The following CCL28 variants were observed in gnomAD, a reference collection of about 807,000 sequenced individuals.
CCL28 encodes C-C motif chemokine 28.
Under a neutral mutation model 7.1 loss-of-function variants are expected in CCL28, and 4 were observed. That is an observed-to-expected ratio of 0.56 (90% CI 0.28 to 1.29). CCL28 has a LOEUF of 1.29. Ranked by LOEUF, CCL28 falls within the 50% of genes most tolerant of loss-of-function variation. The pLI, the probability that CCL28 is intolerant of heterozygous loss-of-function variation, is 0.11. For synonymous variants in CCL28, 55 were observed against 57.8 expected (o/e 0.95, Z 0.22); for missense variants, 151 against 163.4 (o/e 0.92, Z 0.41).
intron 1 of CCL28, among the ~76,000 whole-genome samples, chr5:43,409,259 C>G (rs1195870490): frequency 1.3e-5 from 2 of 152,132 alleles, no homozygotes; most frequent in South Asian, 2.1e-4. Context: ...AACCCCGTCT[C>G]TACTAAAAAT....
chr5:43,363,003 TGC>T, the CCL28 span, among the ~76,000 whole-genome samples: 4 of 152,220 alleles, frequency 2.6e-5, no homozygotes, highest in African/African-American at 7.2e-5. Context: ...TTACTTGGGG[TGC>T]ACATACACTA....
intron 1 of CCL28, among the ~76,000 whole-genome samples, chr5:43,408,528 T>C (rs1261425737): frequency 3.3e-5 from 5 of 152,150 alleles, no homozygotes; most frequent in Non-Finnish European, 7.3e-5. Context: ...TTAGGAGATA[T>C]ACTTATTGTA....
intron 1 of CCL28, among the ~76,000 whole-genome samples, chr5:43,398,585 T>G (rs1251905777): frequency 6.6e-6 from 1 of 152,224 alleles, no homozygotes; most frequent in Admixed American, 6.5e-5. Flanking sequence ...GCACAGTGGC[T>G]CATGCCTGTA....
At chr5:43,404,981 C>G (rs957093292) in intron 1 of CCL28, among the ~76,000 whole-genome samples, 1 of 152,146 alleles carries the variant, frequency 6.6e-6, no homozygotes, top group African/African-American at 2.4e-5. Context: ...CATATGCACC[C>G]AATACAGGAG....
At chr5:43,409,856 A>G (rs1741462231) in intron 1 of CCL28, among the ~76,000 whole-genome samples, 1 of 152,076 alleles carries the variant, frequency 6.6e-6, no homozygotes, top group Admixed American at 6.5e-5. Context: ...GATGATAGAC[A>G]TGTTTATGGA....
At chr5:43,386,434 G>A (rs1223652350) in intron 2 of CCL28, among the ~76,000 whole-genome samples, 1 of 152,144 alleles carries the variant, frequency 6.6e-6, no homozygotes, top group Non-Finnish European at 1.5e-5. Flanking sequence ...TAAACCACCT[G>A]AGCCAATGGA....
downstream of CCL28, among the ~76,000 whole-genome samples, chr5:43,378,510 A>G (rs138410605): frequency 3.2e-3 from 489 of 152,322 alleles, 1 homozygote; most frequent in Non-Finnish European, 6.1e-3. Context: ...CAAAAAGAAA[A>G]CTTAAAGGAT....
Position 43,388,197 on chromosome 5 carries a change from T to C in CCL28, c.191+153A>G. On this transcript the variant is annotated intron_variant, in intron 2 of 2. Transcript: ENST00000361115. ...GACTATGAATTTACTCCAGGGAGCC[T>C]GGGGCCTAATGGACAGAATATTTAC... 3 of 883,622 alleles carry C rather than the reference T, an allele frequency of 3.4e-6. 1 individual carries two copies. Among genetic ancestry groups the C allele is most frequent in the Non-Finnish European group, 5.0e-6 (3 of 596,214 alleles). 54.7% of individuals were successfully genotyped at this position (883,622 alleles called of 1,614,324 possible). A position where few individuals can be genotyped will look rare whatever the true frequency, so the allele number is the denominator to read the frequency against.
the CCL28 span, among the ~76,000 whole-genome samples, chr5:43,371,123 T>C: frequency 6.6e-6 from 1 of 152,218 alleles, no homozygotes; most frequent in Non-Finnish European, 1.5e-5. Flanking sequence ...GAGGAACATA[T>C]AAGTTACAGC....
downstream of CCL28, chr5:43,377,028 G>A (rs748219324): frequency 6.6e-6 from 1 of 152,204 alleles, no homozygotes; most frequent in Non-Finnish European, 1.5e-5. Flanking sequence ...TGAGGAAGGG[G>A]TCAGCAAGCA....
downstream of CCL28, among the ~76,000 whole-genome samples, chr5:43,374,573 A>G (rs190515216): frequency 3.6e-3 from 543 of 152,180 alleles, 1 homozygote; most frequent in Non-Finnish European, 6.6e-3. Flanking sequence ...ACGAGGTCAG[A>G]AGTTCAAGAC....
Position 43,395,520 on chromosome 5 carries a change from T to A in CCL28, c.65-7044A>T, listed in dbSNP as rs13176917. Reference sequence around the variant, plus strand: ...AGTGAGACCCTGTCTCTACAAAAAATTTAAAAGATTAGCCAGGCGTTGTGG... The same window carrying A: ...AGTGAGACCCTGTCTCTACAAAAAAATTAAAAGATTAGCCAGGCGTTGTGG... On this transcript the variant is annotated intron_variant, in intron 1 of 2. Transcript: ENST00000361115. 6.9e-3 allele frequency among the ~76,000 whole-genome samples: 1,049 copies of A among 152,016 alleles called. 6 individuals carry two copies. Among genetic ancestry groups the A allele is most frequent in the Middle Eastern group, 0.027 (8 of 294 alleles).
rs746029367 is a variant in CCL28 at position 43,388,385 on chromosome 5, C to T, written c.156G>A (p.Gln52=). 1.2e-6 allele frequency: 2 copies of T among 1,614,158 alleles called. No homozygotes were observed. Among genetic ancestry groups the T allele is most frequent in the South Asian group, 2.2e-5 (2 of 91,084 alleles). The change falls in exon 2 of 3, where the codon CAG becomes CAA. Residue 52 remains glutamine (Q), a synonymous_variant. Transcript: ENST00000361115. The part of the protein sequence containing the change: ...LLERVNMCRI[Q]RADGDCDLAA... ...CCAAGTCACAATCCCCATCAGCTCT[C>T]TGGATGCGACACATATTCACTCTTT...
the CCL28 span, among the ~76,000 whole-genome samples, chr5:43,365,628 TA>T: frequency 6.6e-6 from 1 of 152,192 alleles, no homozygotes; most frequent in East Asian, 1.9e-4. Flanking sequence ...ATCTGACGAT[TA>T]TATATCTTGG....
intron 1 of CCL28, among the ~76,000 whole-genome samples, chr5:43,401,377 A>G (rs1741030631): frequency 6.6e-6 from 1 of 152,166 alleles, no homozygotes; most frequent in Non-Finnish European, 1.5e-5. Flanking sequence ...TGATACAGAC[A>G]CTAGAGTGGT....
chr5:43,388,565 G>C, intron 1 of CCL28, 89 bp from the exon 2 acceptor site: 1 of 1,326,318 alleles, frequency 7.5e-7, no homozygotes. Context: ...GAGAAACAAT[G>C]TTAATCCACA....
At chr5:43,394,917 T>C (rs981201999) in intron 1 of CCL28, among the ~76,000 whole-genome samples, 1 of 151,640 alleles carries the variant, frequency 6.6e-6, no homozygotes, top group South Asian at 2.1e-4. Context: ...TTTTATATAT[T>C]GTATAAGATA....
the CCL28 span, among the ~76,000 whole-genome samples, chr5:43,367,233 TAGTGAAC>T: frequency 2.0e-5 from 3 of 152,114 alleles, no homozygotes; most frequent in Non-Finnish European, 4.4e-5. Context: ...CTTTCCAGGG[TAGTGAAC>T]AGTTCTCTCT....
At chr5:43,359,916 C>G in the CCL28 span, among the ~76,000 whole-genome samples, 1 of 152,070 alleles carries the variant, frequency 6.6e-6, no homozygotes. Context: ...TTCCACATCT[C>G]TATGATTTCA....
Sources: allele counts gnomAD v4.1 joint callset (sites outside exome capture counted in the v4.1 genomes callset), GRCh38; gene constraint gnomAD v4.1.1; transcripts MANE v1.5; gene names NCBI Gene and HGNC (gene_info 2026-07-23, HGNC 2026-07-21).